The following CEP164 variants were observed in gnomAD, a reference collection of about 807,000 sequenced individuals.
The protein encoded by CEP164 is centrosomal protein of 164 kDa.
In CEP164, 162 loss-of-function variants were observed where a neutral mutation model predicts 182.7. The observed-to-expected ratio is 0.89, with a 90% CI of 0.78 to 1.01. CEP164 has a LOEUF of 1.01. Ranked by LOEUF, CEP164 falls within the 50% of genes least tolerant of loss-of-function variation. CEP164 has a pLI of 0.00. For synonymous variants in CEP164, 661 were observed against 690.0 expected, an observed-to-expected ratio of 0.96 and a Z score of 0.66; for missense variants, 1,735 against 1,790.4, an observed-to-expected ratio of 0.97 and a Z score of 0.56.
At chr11:117,327,459 CTTTT>C (rs760601571), upstream of CEP164, among the ~76,000 whole-genome samples, 3 of 122,610 alleles carry the variant, frequency 2.4e-5, no homozygotes, top group Admixed American at 8.5e-5. Context: ...TCGGGGTCCT[CTTTT>C]TTTTTTTTTT....
chr11:117,364,638 C>T (rs2060413213), intron 8 of CEP164, among the ~76,000 whole-genome samples: 3 of 151,116 alleles, frequency 2.0e-5, no homozygotes, highest in African/African-American at 4.9e-5. Context: ...TCCCAAGTAG[C>T]TGGGACCACA....
At chr11:117,370,037 T>A (rs1327640954) in intron 8 of CEP164, among the ~76,000 whole-genome samples, 1 of 152,222 alleles carries the variant, frequency 6.6e-6, no homozygotes, top group Non-Finnish European at 1.5e-5. Context: ...TTTCTGCAGA[T>A]ATGGGACTCC....
At chr11:117,362,033 TG>T (rs749377313) in intron 6 of CEP164, 40 bp downstream of exon 6, 2 of 1,516,492 alleles carry the variant, frequency 1.3e-6, no homozygotes, top group South Asian at 2.7e-5. Context: ...GTAGTTCCTG[TG>T]GGGCCTCCCG....
chr11:117,325,941 G>C (rs1488273006), upstream of CEP164, among the ~76,000 whole-genome samples: 1 of 135,732 alleles, frequency 7.4e-6, no homozygotes, highest in Admixed American at 8.0e-5. Flanking sequence ...ACGGAGTGTC[G>C]CTCTTGTTGC....
Position 117,394,515 on chromosome 11 carries a change from G to A in CEP164, c.2760+22G>A, listed in dbSNP as rs2136422370. 6.2e-7 allele frequency: 1 copy of A among 1,612,042 alleles called. No homozygotes were observed. The highest frequency in any genetic ancestry group is 1.1e-5 in the South Asian group (1 of 90,738). ...GCAGGTGAGGGGCCTGGGGCAGGGT[G>A]AGCCCACTGTGACCCCTCCATGCAC... On this transcript the variant is annotated intron_variant, in intron 21 of 32. Coordinates refer to ENST00000278935, the MANE Select transcript of CEP164 (RefSeq NM_014956.5). The surrounding 1 kb of genome is among the most constrained non-coding windows in gnomAD (Gnocchi z 4.0).
rs2044587949 is a variant in CEP164, at chr11:117,391,017, C to T, written c.2085C>T (p.Ser695=). 1.9e-6 allele frequency: 3 copies of T among 1,613,970 alleles called. No individual in the cohort carries two copies. The highest frequency in any genetic ancestry group is 1.3e-5 in the African/African-American group (1 of 74,874). The part of the protein sequence containing the change: ...EDQIRAEQEA[S]LQKLREELES... ...CACCCAGGGCTGAGCAAGAGGCTTC[C>T]CTGCAGAAACTGAGAGAAGAGTTGG... The change falls in exon 17 of 33, where the codon TCC becomes TCT. Residue 695 remains serine, a synonymous_variant. Transcript: ENST00000278935.
At position 117,411,636 on chromosome 11, in the gene CEP164, C is replaced by A; in HGVS notation, c.4164-159C>A. The A allele has an allele frequency of 2.1e-6, 2 of 961,226 alleles. No homozygotes were observed. Among genetic ancestry groups the A allele is most frequent in the Non-Finnish European group, 3.0e-6 (2 of 658,060 alleles). 59.5% of individuals were successfully genotyped at this position (961,226 alleles called of 1,614,324 possible). ...CCGTTTGGGAACTGTTCTGGAGGGG[C>A]AGATGTTTTGAAGCTTTGAATTGCT... On this transcript the variant is annotated intron_variant, in intron 31 of 32. Coordinates refer to ENST00000278935, the MANE Select transcript of CEP164 (RefSeq NM_014956.5). This position sits in a 1 kb window ranked among gnomAD's most constrained non-coding sequence, Gnocchi z 4.4.
At chr11:117,336,216 G>T in intron 2 of CEP164, 1 of 1,593,244 alleles carries the variant, frequency 6.3e-7, no homozygotes, top group South Asian at 1.1e-5. Context: ...CAGAATCGCT[G>T]CTGGAAGAGG....
At chr11:117,400,804 T>C (rs2046050358) in intron 27 of CEP164, among the ~76,000 whole-genome samples, 1 of 152,198 alleles carries the variant, frequency 6.6e-6, no homozygotes, top group Non-Finnish European at 1.5e-5. Flanking sequence ...TATTGGTGTA[T>C]AGGAATGCTT....
chr11:117,402,441 G>C (rs915703730), intron 27 of CEP164, among the ~76,000 whole-genome samples: 1 of 151,926 alleles, frequency 6.6e-6, no homozygotes, highest in Non-Finnish European at 1.5e-5. Context: ...GGCTGGTCTC[G>C]AGCTCCTGAC....
intron 10 of CEP164, among the ~76,000 whole-genome samples, chr11:117,374,594 T>C (rs1438684852): frequency 6.6e-6 from 1 of 151,976 alleles, no homozygotes. Context: ...TTAAGTGAAG[T>C]AGAACTCAAA....
intron 12 of CEP164, among the ~76,000 whole-genome samples, 182 bp downstream of exon 12, chr11:117,380,887 G>A (rs775107607): frequency 6.6e-6 from 1 of 152,228 alleles, no homozygotes; most frequent in African/African-American, 2.4e-5. Context: ...GTGTGTGCAC[G>A]TGTGTGTACT....
At chr11:117,390,934 G>T (rs748877141) in intron 16 of CEP164, 26 bp downstream of exon 16, 1 of 1,613,756 alleles carries the variant, frequency 6.2e-7, no homozygotes, top group South Asian at 1.1e-5. Context: ...CCTGTGAGCT[G>T]CCCAGCCCTG....
intron 27 of CEP164, among the ~76,000 whole-genome samples, chr11:117,398,216 C>T (rs2045717177): frequency 6.6e-6 from 1 of 152,224 alleles, no homozygotes; most frequent in Non-Finnish European, 1.5e-5. Flanking sequence ...GACTCCATGT[C>T]TCACATCCAG....
At position 117,394,569 on chromosome 11, in the gene CEP164, G is replaced by GCGTCT; in HGVS notation, c.2760+76_2760+77insCGTCT. 1 of 1,542,474 alleles carries GCGTCT rather than the reference G, an allele frequency of 6.5e-7. No homozygotes were observed. The highest frequency in any genetic ancestry group is 8.8e-7 in the Non-Finnish European group (1 of 1,139,516). ...AGGAAGGTGCTGGGAGCAGACGCATGGCCCCAGCAGGATGCAGCCTGACAG... is the reference window on the plus strand; with the variant it reads ...AGGAAGGTGCTGGGAGCAGACGCATGCGTCTGCCCCAGCAGGATGCAGCCTGACAG... On this transcript the variant is annotated intron_variant, in intron 21 of 32. Coordinates refer to ENST00000278935, the MANE Select transcript of CEP164 (RefSeq NM_014956.5). This position sits in a 1 kb window ranked among gnomAD's most constrained non-coding sequence, Gnocchi z 4.0.
rs1035413007 is a variant in CEP164 at position 117,394,142 on chromosome 11, C to T, written c.2617-208C>T. Among the ~76,000 whole-genome samples the T allele has an allele frequency of 6.6e-6, 1 of 152,246 alleles. No homozygotes were observed. The highest frequency in any genetic ancestry group is 2.4e-5 in the African/African-American group (1 of 41,466). On this transcript the variant is annotated intron_variant, in intron 20 of 32. Transcript: ENST00000278935. The surrounding 1 kb of genome is among the most constrained non-coding windows in gnomAD (Gnocchi z 4.0). ...GAATCTGTCGTGGTGTCTGACCAGCCTCTGCTTCAGCTCTAGAGGGCTGCA... is the reference window on the plus strand; with the variant it reads ...GAATCTGTCGTGGTGTCTGACCAGCTTCTGCTTCAGCTCTAGAGGGCTGCA...
intron 14 of CEP164, chr11:117,385,793 G>A (rs539347345): frequency 1.3e-5 from 2 of 152,338 alleles, no homozygotes; most frequent in African/African-American, 4.8e-5. Context: ...ATGGAGTTGG[G>A]AGCAGAAGAG....
chr11:117,334,123 C>T (rs1193371057), intron 1 of CEP164, among the ~76,000 whole-genome samples: 2 of 152,228 alleles, frequency 1.3e-5, no homozygotes, highest in African/African-American at 4.8e-5. Flanking sequence ...TCCCTCCCTT[C>T]CCAGACGAGC....
intron 8 of CEP164, among the ~76,000 whole-genome samples, chr11:117,364,481 G>A (rs957480410): frequency 2.6e-5 from 4 of 151,940 alleles, no homozygotes; most frequent in African/African-American, 9.7e-5. Context: ...GCCACTTGAA[G>A]TTTCAGATGT....
Sources: allele counts gnomAD v4.1 joint callset (sites outside exome capture counted in the v4.1 genomes callset), GRCh38; gene constraint gnomAD v4.1.1; non-coding constraint Gnocchi (gnomAD v3.1); transcripts MANE v1.5; gene names NCBI Gene and HGNC (gene_info 2026-07-23, HGNC 2026-07-21).